Variants in SOX5 observed in about 807,000 individuals in gnomAD.
SOX5 encodes SRY-box transcription factor 5.
A neutral mutation model predicts 92.0 loss-of-function variants in SOX5; 9 were observed. That is an observed-to-expected ratio of 0.10 (90% CI 0.06 to 0.17). The LOEUF (loss-of-function observed/expected upper bound fraction) is 0.17, where lower values mean the gene tolerates loss of function less well. SOX5 is among the 10% of genes least tolerant of loss of function. The probability of loss-of-function intolerance (pLI) is 1.00; values close to 1 mark genes in which losing one functional copy is unlikely to be tolerated. For missense variants in SOX5, 642 were observed against 944.5 expected (o/e 0.68, Z 4.20); for synonymous variants, 344 against 336.3 (o/e 1.02, Z -0.25).
chr12:24,286,923 A>G (rs561562159), intron 2 of SOX5, among the ~76,000 whole-genome samples: 1 of 152,328 alleles, frequency 6.6e-6, no homozygotes, highest in African/African-American at 2.4e-5. Flanking sequence ...AATTTATTCC[A>G]GCATACACCA....
intron 4 of SOX5, among the ~76,000 whole-genome samples, chr12:24,133,227 A>G (rs188020932): frequency 6.6e-6 from 1 of 152,198 alleles, no homozygotes; most frequent in Non-Finnish European, 1.5e-5. Context: ...TACTCTGTAC[A>G]TGTCACTCCC....
intron 1 of SOX5, among the ~76,000 whole-genome samples, chr12:23,928,004 A>G (rs1213055721): frequency 2.0e-5 from 3 of 152,092 alleles, no homozygotes; most frequent in East Asian, 3.9e-4. Context: ...AAGAGCATCA[A>G]GGAGCAACTG....
At chr12:24,258,355 T>G (rs1419197320) in intron 3 of SOX5, among the ~76,000 whole-genome samples, 2 of 152,188 alleles carry the variant, frequency 1.3e-5, no homozygotes, top group Non-Finnish European at 2.9e-5. Flanking sequence ...AAATGGGAAT[T>G]ATTGTTATCA....
At chr12:24,143,369 T>C (rs910288790) in intron 4 of SOX5, among the ~76,000 whole-genome samples, 3 of 151,894 alleles carry the variant, frequency 2.0e-5, no homozygotes, top group African/African-American at 7.3e-5. Flanking sequence ...AGAAGAAAAA[T>C]TAATCTCTCA....
intron 4 of SOX5, among the ~76,000 whole-genome samples, chr12:24,095,126 C>CAGAGAGAGAGAGAGAGAGAGAG (rs1469520600): frequency 1.1e-5 from 1 of 90,144 alleles, no homozygotes; most frequent in African/African-American, 4.3e-5. Flanking sequence ...CACACACACA[C>CAGAGAGAGAGAGAGAGAGAGAG]ACAGAGAGAG....
chr12:24,491,984 T>A (rs557481223), intron 1 of SOX5, among the ~76,000 whole-genome samples: 6 of 152,258 alleles, frequency 3.9e-5, no homozygotes, highest in Admixed American at 6.5e-5. Context: ...ATTTAATTGC[T>A]TTGAGACAAT....
intron 4 of SOX5, among the ~76,000 whole-genome samples, chr12:24,205,051 T>A (rs745485193): frequency 1.3e-5 from 2 of 152,192 alleles, no homozygotes; most frequent in African/African-American, 4.8e-5. Flanking sequence ...CAGCTTAGCG[T>A]CTTCTCTTTG....
At chr12:23,644,015 C>G (rs558274889) in intron 7 of SOX5, among the ~76,000 whole-genome samples, 34 of 152,128 alleles carry the variant, frequency 2.2e-4, no homozygotes, top group Non-Finnish European at 4.0e-4. Context: ...TATTTATGTC[C>G]CATGTAATCA....
intron 3 of SOX5, among the ~76,000 whole-genome samples, chr12:23,828,737 T>C (rs911333656): frequency 2.0e-5 from 3 of 150,762 alleles, no homozygotes; most frequent in African/African-American, 7.3e-5. Context: ...GAAGTTGCTT[T>C]TCAAATTCAG....
At chr12:23,905,428 T>C (rs768946555) in intron 1 of SOX5, among the ~76,000 whole-genome samples, 8 of 152,194 alleles carry the variant, frequency 5.3e-5, no homozygotes, top group Non-Finnish European at 1.2e-4. Flanking sequence ...GAAGACTGTT[T>C]TATTATGAGT....
intron 8 of SOX5, among the ~76,000 whole-genome samples, chr12:23,619,409 A>G (rs1355160460): frequency 6.6e-6 from 1 of 152,160 alleles, no homozygotes; most frequent in Non-Finnish European, 1.5e-5. Flanking sequence ...AGGACATTGA[A>G]GCCAAGAAAG....
At chr12:23,552,292 C>A (rs1207509691) in intron 11 of SOX5, among the ~76,000 whole-genome samples, 3 of 151,816 alleles carry the variant, frequency 2.0e-5, no homozygotes, top group Non-Finnish European at 4.4e-5. Context: ...GTGGTAATGA[C>A]AGGAAGCTGG....
intron 8 of SOX5, among the ~76,000 whole-genome samples, chr12:23,639,720 A>C (rs764221571): frequency 3.9e-5 from 6 of 152,216 alleles, no homozygotes; most frequent in Non-Finnish European, 8.8e-5. Context: ...TGTAGAACAC[A>C]GTATGTCTCA....
At chr12:23,577,148 TATAC>T (rs1555172296) in intron 9 of SOX5, among the ~76,000 whole-genome samples, 14 of 112,304 alleles carry the variant, frequency 1.2e-4, no homozygotes, top group Admixed American at 5.2e-4. Flanking sequence ...TATATATATA[TATAC>T]ACACACACAC....
In SOX5 at chr12:23,902,638, A is replaced by G. The variant is rs148236898; in HGVS notation, c.39-6614T>C. On this transcript the variant is annotated intron_variant, in intron 1 of 14. Coordinates refer to ENST00000451604, the MANE Select transcript of SOX5 (RefSeq NM_006940.6). Reference sequence around the variant, plus strand: ...AAACTACAATAGAAGCATCTGGAAAACAAGAATGTCATTTTTAATTTCTTC... The same window carrying G: ...AAACTACAATAGAAGCATCTGGAAAGCAAGAATGTCATTTTTAATTTCTTC... Among the ~76,000 whole-genome samples the G allele has an allele frequency of 3.8e-3, 578 of 152,220 alleles. 18 individuals carry two copies. Among genetic ancestry groups the G allele is most frequent in the Admixed American group, 0.036 (548 of 15,300 alleles).
At chr12:23,672,534 T>A (rs775222686) in intron 6 of SOX5, among the ~76,000 whole-genome samples, 3 of 152,152 alleles carry the variant, frequency 2.0e-5, no homozygotes, top group Non-Finnish European at 4.4e-5. Flanking sequence ...GAGGTGAAGA[T>A]AGTTTGCAAG....
chr12:23,691,100 G>C (rs917598236), intron 6 of SOX5, among the ~76,000 whole-genome samples: 2 of 152,142 alleles, frequency 1.3e-5, no homozygotes, highest in Non-Finnish European at 2.9e-5. Flanking sequence ...CTTCCTTCTA[G>C]AAAGACCAAA....
chr12:24,505,215 A>G (rs1948603937), intron 1 of SOX5, among the ~76,000 whole-genome samples: 1 of 152,248 alleles, frequency 6.6e-6, no homozygotes, highest in Non-Finnish European at 1.5e-5. Context: ...TTAGATCAAC[A>G]TCTGTGTAAA....
At chr12:24,329,117 GTAAA>G (rs1370184869) in intron 2 of SOX5, among the ~76,000 whole-genome samples, 3 of 152,112 alleles carry the variant, frequency 2.0e-5, no homozygotes, top group Non-Finnish European at 4.4e-5. Context: ...GGTTTATATT[GTAAA>G]TAATGTTACT....
Sources: gnomAD v4.1 joint callset for allele counts (sites outside exome capture counted in the v4.1 genomes callset) on GRCh38, gnomAD v4.1.1 for gene constraint, MANE v1.5 for transcripts, NCBI Gene and HGNC (gene_info 2026-07-23, HGNC 2026-07-21) for gene names.